The following PHLDB2 variants were observed in gnomAD, a reference collection of about 807,000 sequenced individuals.
The protein encoded by PHLDB2 is pleckstrin homology like domain family B member 2, also known as pleckstrin homology-like domain family B member 2.
PHLDB2 carries 71 observed loss-of-function variants against 123.6 expected under a neutral mutation model. That is an observed-to-expected ratio of 0.57 (90% CI 0.47 to 0.70). The LOEUF (loss-of-function observed/expected upper bound fraction) is 0.70, where lower values mean the gene tolerates loss of function less well. Among genes scored for constraint, PHLDB2 ranks in the 30% least tolerant of loss-of-function variants. PHLDB2 has a pLI of 0.00. For missense variants in PHLDB2, 1,446 were observed against 1,519.5 expected (o/e 0.95, Z 0.80); for synonymous variants, 547 against 541.6 (o/e 1.01, Z -0.14).
At chr3:111,903,903 C>CT (rs1375145611) in intron 2 of PHLDB2, among the ~76,000 whole-genome samples, 1 of 152,126 alleles carries the variant, frequency 6.6e-6, no homozygotes, top group African/African-American at 2.4e-5. Context: ...AAAATAATAA[C>CT]TGTGTTATAG....
chr3:111,952,562 G>T lies in PHLDB2; in HGVS notation c.2632-10G>T. ...AGTTTTGCTATTTTGCTTTGCATTT[G>T]CATTTAAAGCACTTTAGAAGTCTGG... On this transcript the variant is annotated splice_polypyrimidine_tract_variant and intron_variant, in intron 10 of 17. Coordinates refer to ENST00000431670, the MANE Select transcript of PHLDB2 (RefSeq NM_001134438.2). The T allele has an allele frequency of 6.2e-7, 1 of 1,604,240 alleles. No homozygotes were observed. The highest frequency in any genetic ancestry group is 1.3e-5 in the African/African-American group (1 of 74,152).
chr3:111,943,646 T>C (rs1167266605), intron 8 of PHLDB2, among the ~76,000 whole-genome samples: 1 of 152,144 alleles, frequency 6.6e-6, no homozygotes, highest in East Asian at 1.9e-4. Context: ...CATGGGAAAA[T>C]ACTCATCATT....
At chr3:111,862,030 C>G (rs1179937991) in intron 1 of PHLDB2, among the ~76,000 whole-genome samples, 3 of 152,094 alleles carry the variant, frequency 2.0e-5, no homozygotes, top group Non-Finnish European at 4.4e-5. Context: ...TTAGTAGTGA[C>G]AGGATTTTGC....
intron 9 of PHLDB2, among the ~76,000 whole-genome samples, chr3:111,947,151 CAG>C (rs371131881): frequency 6.6e-6 from 1 of 152,192 alleles, no homozygotes; most frequent in African/African-American, 2.4e-5. Flanking sequence ...TCTGGACATA[CAG>C]AGTTTGAAGA....
intron 2 of PHLDB2, among the ~76,000 whole-genome samples, chr3:111,851,599 A>C (rs1463650770): frequency 6.6e-6 from 1 of 152,168 alleles, no homozygotes; most frequent in Non-Finnish European, 1.5e-5. Context: ...GCTTTATTAA[A>C]GTCTTTAAAT....
intron 9 of PHLDB2, among the ~76,000 whole-genome samples, chr3:111,945,862 G>T (rs1300200112): frequency 4.0e-5 from 6 of 151,830 alleles, no homozygotes; most frequent in Non-Finnish European, 7.4e-5. Context: ...CTCTAAACTG[G>T]AAAGTCCTAT....
intron 1 of PHLDB2, among the ~76,000 whole-genome samples, chr3:111,749,834 C>T (rs2059740232): frequency 6.6e-6 from 1 of 152,188 alleles, no homozygotes; most frequent in Non-Finnish European, 1.5e-5. Flanking sequence ...ATTAATATAA[C>T]AATGATGTCA....
intron 1 of PHLDB2, among the ~76,000 whole-genome samples, chr3:111,837,648 G>A (rs1190121361): frequency 6.6e-6 from 1 of 152,168 alleles, no homozygotes; most frequent in Non-Finnish European, 1.5e-5. Context: ...GGATCATTCT[G>A]TTAAACTGAC....
At position 111,831,034 on chromosome 3, in the gene PHLDB2, G is replaced by GAAGA. The variant is rs1389990325; in HGVS notation, c.-48-14784_-48-14783insAAAG. On this transcript the variant is annotated intron_variant, in intron 1 of 17. Transcript: ENST00000393923. ...GAAAGAAAGAAAGAAAGAAAGAAAG[G>GAAGA]AAGGAAGGAAGAAAGAGAAAAGAGA... 2.6e-3 allele frequency among the ~76,000 whole-genome samples: 120 copies of GAAGA among 46,164 alleles called. 4 individuals are homozygous for GAAGA. Among genetic ancestry groups the GAAGA allele is most frequent in the African/African-American group, 8.9e-3 (107 of 12,042 alleles). The allele number at this position is 46,164 out of a possible 152,430, so 30.3% of individuals were successfully genotyped here.
chr3:111,874,899 G>A (rs531771013), intron 1 of PHLDB2, among the ~76,000 whole-genome samples: 2 of 152,246 alleles, frequency 1.3e-5, no homozygotes, highest in South Asian at 4.1e-4. Flanking sequence ...AAATATGGAA[G>A]TAAGGTAGCT....
At chr3:111,959,935 G>A (rs893624197) in intron 12 of PHLDB2, among the ~76,000 whole-genome samples, 1 of 152,162 alleles carries the variant, frequency 6.6e-6, no homozygotes, top group Non-Finnish European at 1.5e-5. Flanking sequence ...GATAATTCTT[G>A]TATGTTTTAA....
intron 1 of PHLDB2, among the ~76,000 whole-genome samples, chr3:111,835,305 C>A (rs1453843180): frequency 6.6e-6 from 1 of 152,126 alleles, no homozygotes; most frequent in African/African-American, 2.4e-5. Context: ...ATGTACTTAA[C>A]TATCAAGCCA....
At chr3:111,870,691 C>T (rs895431867) in intron 1 of PHLDB2, among the ~76,000 whole-genome samples, 1 of 152,074 alleles carries the variant, frequency 6.6e-6, no homozygotes, top group African/African-American at 2.4e-5. Context: ...TGCCATTGGT[C>T]ACCACAGAAA....
chr3:111,733,464 C>T (rs529099169), intron 1 of PHLDB2, among the ~76,000 whole-genome samples: 27 of 152,250 alleles, frequency 1.8e-4, no homozygotes, highest in East Asian at 9.7e-4. Context: ...TTTCTCCTTC[C>T]GAGAATAGTA....
At chr3:111,876,881 C>T (rs2065653122) in intron 1 of PHLDB2, among the ~76,000 whole-genome samples, 1 of 152,154 alleles carries the variant, frequency 6.6e-6, no homozygotes, top group Non-Finnish European at 1.5e-5. Flanking sequence ...TCATCCATGT[C>T]CCTGCAAAAG....
chr3:111,773,655 A>T (rs896890862), intron 1 of PHLDB2, among the ~76,000 whole-genome samples: 1 of 152,214 alleles, frequency 6.6e-6, no homozygotes, highest in African/African-American at 2.4e-5. Context: ...CTTGACTGGC[A>T]GAGTGCCTGT....
At chr3:111,744,789 T>C (rs970940611) in intron 1 of PHLDB2, among the ~76,000 whole-genome samples, 5 of 152,204 alleles carry the variant, frequency 3.3e-5, no homozygotes, top group African/African-American at 1.2e-4. Flanking sequence ...CACAACTTCC[T>C]ATATCTTAAC....
At chr3:111,811,543 C>T (rs771037395) in intron 1 of PHLDB2, among the ~76,000 whole-genome samples, 7 of 152,044 alleles carry the variant, frequency 4.6e-5, no homozygotes, top group Non-Finnish European at 1.0e-4. Context: ...GTAGGCCCCA[C>T]AAAAATTTTG....
At position 111,911,470 on chromosome 3, in the gene PHLDB2, T is replaced by C. The variant is rs116598594; in HGVS notation, c.1336-1849T>C. 2.9e-3 allele frequency: 2,005 copies of C among 685,036 alleles called. 29 individuals are homozygous for C. In the African/African-American group the frequency reaches 0.031, roughly 11 times the overall value. The allele number at this position is 685,036 out of a possible 1,614,324, so 42.4% of individuals were successfully genotyped here. A position where few individuals can be genotyped will look rare whatever the true frequency, so the allele number is the denominator to read the frequency against. On this transcript the variant is annotated intron_variant, in intron 2 of 17. Coordinates refer to ENST00000431670, the MANE Select transcript of PHLDB2 (RefSeq NM_001134438.2). ...GTTTTTGCATATGCCCATGTAGACT[T>C]TTCCAGATTGTTGGAGAAGTTTAAA...
Sources: gnomAD v4.1 joint callset for allele counts (sites outside exome capture counted in the v4.1 genomes callset) on GRCh38, gnomAD v4.1.1 for gene constraint, MANE v1.5 for transcripts, NCBI Gene and HGNC (gene_info 2026-07-23, HGNC 2026-07-21) for gene names.